The following ZFAT variants were observed in gnomAD, a reference collection of about 807,000 sequenced individuals.
ZFAT encodes zinc finger and AT-hook domain containing.
ZFAT carries 64 observed loss-of-function variants against 117.7 expected under a neutral mutation model. The ratio of observed to expected loss-of-function variants is 0.54; its 90% CI spans 0.44 to 0.67. The LOEUF (loss-of-function observed/expected upper bound fraction) is 0.67. Ranked by LOEUF, ZFAT falls within the 30% of genes least tolerant of loss-of-function variation. The probability of loss-of-function intolerance (pLI) is 0.00; values close to 1 mark genes in which losing one functional copy is unlikely to be tolerated. For missense variants in ZFAT, 1,433 were observed against 1,584.5 expected, an observed-to-expected ratio of 0.90 and a Z score of 1.62; for synonymous variants, 679 against 615.0, an observed-to-expected ratio of 1.10 and a Z score of -1.54.
At chr8:134,805,105 T>C in the ZFAT span, among the ~76,000 whole-genome samples, 4 of 152,336 alleles carry the variant, frequency 2.6e-5, no homozygotes, top group Middle Eastern at 3.4e-3. Context: ...GAGAAAGTGG[T>C]TCACCAAGTG....
At chr8:134,744,713 A>G in the ZFAT span, among the ~76,000 whole-genome samples, 5 of 148,630 alleles carry the variant, frequency 3.4e-5, 1 homozygote. Context: ...TTCCTTCAGG[A>G]AGGGCCTACT....
chr8:134,631,021 G>A (rs1829856105), intron 3 of ZFAT, among the ~76,000 whole-genome samples: 1 of 152,210 alleles, frequency 6.6e-6, no homozygotes, highest in Admixed American at 6.5e-5. Flanking sequence ...AGGCAGCTGG[G>A]CATAAGGTCA....
the ZFAT span, among the ~76,000 whole-genome samples, chr8:134,735,383 A>G: frequency 6.6e-6 from 1 of 152,226 alleles, no homozygotes; most frequent in Non-Finnish European, 1.5e-5. Flanking sequence ...CATTGAGGCT[A>G]GCACTGGGAT....
intron 10 of ZFAT, among the ~76,000 whole-genome samples, chr8:134,575,543 A>C (rs568602362): frequency 6.6e-6 from 1 of 152,368 alleles, no homozygotes. Flanking sequence ...CCAGAGCTGC[A>C]ACATAATACA....
intron 2 of ZFAT, among the ~76,000 whole-genome samples, chr8:134,646,641 G>A (rs1332568535): frequency 6.6e-6 from 1 of 151,842 alleles, no homozygotes; most frequent in South Asian, 2.1e-4. Flanking sequence ...AAACACAGTT[G>A]AGAAACCCTT....
chr8:134,552,343 T>G (rs1338729334), intron 11 of ZFAT, among the ~76,000 whole-genome samples: 1 of 152,254 alleles, frequency 6.6e-6, no homozygotes, highest in Non-Finnish European at 1.5e-5. Context: ...CTTATGTTTT[T>G]TCTTAAAATT....
chr8:134,557,843 T>A (rs1479701911), intron 11 of ZFAT, among the ~76,000 whole-genome samples: 1 of 152,250 alleles, frequency 6.6e-6, no homozygotes, highest in Non-Finnish European at 1.5e-5. Context: ...GGTACATAAT[T>A]CACATACACA....
intron 10 of ZFAT, among the ~76,000 whole-genome samples, chr8:134,566,418 G>A (rs1824473970): frequency 9.7e-6 from 1 of 102,568 alleles, no homozygotes; most frequent in Non-Finnish European, 2.1e-5. Context: ...AAAGATTAAG[G>A]TTTTAGCAAT....
At chr8:134,626,357 C>T (rs1342666456) in intron 3 of ZFAT, among the ~76,000 whole-genome samples, 2 of 152,350 alleles carry the variant, frequency 1.3e-5, no homozygotes, top group East Asian at 3.9e-4. Context: ...GGGTCCTAGA[C>T]CAGAATCCCT....
At chr8:134,817,242 T>C in the ZFAT span, among the ~76,000 whole-genome samples, 2 of 152,038 alleles carry the variant, frequency 1.3e-5, no homozygotes, top group East Asian at 3.9e-4. Context: ...CAAAACCAGA[T>C]AACCTAAGGA....
the ZFAT span, among the ~76,000 whole-genome samples, chr8:134,768,601 C>T: frequency 6.6e-6 from 1 of 152,168 alleles, no homozygotes; most frequent in African/African-American, 2.4e-5. Flanking sequence ...AGAGCTTGTG[C>T]AGGGAAACTC....
chr8:134,615,355 T>C (rs1828643535), intron 3 of ZFAT, among the ~76,000 whole-genome samples: 1 of 152,050 alleles, frequency 6.6e-6, no homozygotes, highest in African/African-American at 2.4e-5. Context: ...TCCAGCTGAT[T>C]TTTGTATTTT....
the ZFAT span, among the ~76,000 whole-genome samples, chr8:134,736,383 A>G: frequency 6.6e-6 from 1 of 152,206 alleles, no homozygotes. Context: ...GGATGCAACC[A>G]AACACATCAG....
chr8:134,830,647 A>G, the ZFAT span, among the ~76,000 whole-genome samples: 1 of 152,224 alleles, frequency 6.6e-6, no homozygotes, highest in Non-Finnish European at 1.5e-5. Context: ...CTCAGCTATC[A>G]TCACAATCCT....
At chr8:134,491,784 T>C (rs772817120) in intron 15 of ZFAT, among the ~76,000 whole-genome samples, 4 of 152,218 alleles carry the variant, frequency 2.6e-5, no homozygotes, top group Non-Finnish European at 5.9e-5. Context: ...TCTCCCCATC[T>C]TGGATTCAGC....
the ZFAT span, chr8:134,795,466 AC>A: frequency 1.5e-5 from 2 of 136,018 alleles, no homozygotes; most frequent in African/African-American, 3.0e-5. Flanking sequence ...AACAAGTATA[AC>A]AGTTATTACA....
intron 7 of ZFAT, among the ~76,000 whole-genome samples, chr8:134,591,794 A>T (rs1006401822): frequency 9.2e-5 from 14 of 152,208 alleles, no homozygotes; most frequent in Non-Finnish European, 1.6e-4. Flanking sequence ...CAGAGAGCAA[A>T]TCACCTGAAG....
intron 2 of ZFAT, among the ~76,000 whole-genome samples, chr8:134,643,641 G>A (rs565983016): frequency 1.2e-4 from 19 of 152,342 alleles, no homozygotes; most frequent in African/African-American, 4.6e-4. Context: ...GCTGTACCCT[G>A]TGTGAGGCGG....
intron 15 of ZFAT, among the ~76,000 whole-genome samples, chr8:134,483,393 G>A (rs1051747699): frequency 6.6e-6 from 1 of 152,212 alleles, no homozygotes; most frequent in Non-Finnish European, 1.5e-5. Flanking sequence ...AGCTGGTGTA[G>A]TGTGACAGCC....
Sources: gnomAD v4.1 joint callset for allele counts (sites outside exome capture counted in the v4.1 genomes callset) on GRCh38, gnomAD v4.1.1 for gene constraint, MANE v1.5 for transcripts, NCBI Gene and HGNC (gene_info 2026-07-23, HGNC 2026-07-21) for gene names.